The following PPP1R12A variants were observed in gnomAD, a reference collection of about 807,000 sequenced individuals.
PPP1R12A encodes myosin binding subunit.
Under a neutral mutation model 139.6 loss-of-function variants are expected in PPP1R12A, and 19 were observed. The observed-to-expected ratio is 0.14, with a 90% CI of 0.09 to 0.20. The LOEUF (loss-of-function observed/expected upper bound fraction) is 0.20. Ranked by LOEUF, PPP1R12A falls within the 10% of genes least tolerant of loss-of-function variation. The probability of loss-of-function intolerance (pLI) is 1.00; values close to 1 mark genes in which losing one functional copy is unlikely to be tolerated. For missense variants in PPP1R12A, 925 were observed against 1,211.5 expected (o/e 0.76, Z 3.51); for synonymous variants, 427 against 420.6 (o/e 1.02, Z -0.19).
chr12:79,826,598 A>C (rs1232923875), intron 5 of PPP1R12A, among the ~76,000 whole-genome samples: 1 of 152,190 alleles, frequency 6.6e-6, no homozygotes, highest in African/African-American at 2.4e-5. Context: ...AGCTGCTACT[A>C]TAGTAATTTT....
intron 1 of PPP1R12A, among the ~76,000 whole-genome samples, chr12:79,901,279 G>A (rs774944521): frequency 5.9e-5 from 9 of 152,132 alleles, no homozygotes; most frequent in Non-Finnish European, 5.9e-5. Flanking sequence ...TCCAGACCAG[G>A]TGATCCCTTT....
At chr12:79,891,814 T>C (rs1884671022) in intron 1 of PPP1R12A, among the ~76,000 whole-genome samples, 1 of 152,178 alleles carries the variant, frequency 6.6e-6, no homozygotes, top group Non-Finnish European at 1.5e-5. Flanking sequence ...GGCAGCCATG[T>C]TGAGAGACAC....
chr12:79,915,466 G>A (rs1337957328), intron 1 of PPP1R12A, among the ~76,000 whole-genome samples: 1 of 151,794 alleles, frequency 6.6e-6, no homozygotes, highest in Non-Finnish European at 1.5e-5. Flanking sequence ...TTAAATCTAG[G>A]CTTAACACTA....
At chr12:79,810,061 T>A in intron 9 of PPP1R12A, 51 bp from the exon 10 acceptor site, 1 of 1,365,542 alleles carries the variant, frequency 7.3e-7, no homozygotes, top group Non-Finnish European at 1.0e-6. Flanking sequence ...GTAAAGCTGA[T>A]CAGTCCTTAA....
intron 15 of PPP1R12A, among the ~76,000 whole-genome samples, chr12:79,797,915 T>C (rs1441426842): frequency 6.6e-6 from 1 of 152,178 alleles, no homozygotes; most frequent in Non-Finnish European, 1.5e-5. Flanking sequence ...CAGCTGAATC[T>C]GGACTGTGGA....
intron 15 of PPP1R12A, among the ~76,000 whole-genome samples, chr12:79,797,948 G>A (rs1015557407): frequency 3.3e-5 from 5 of 152,136 alleles, no homozygotes; most frequent in African/African-American, 1.2e-4. Flanking sequence ...TGGGAAAGCA[G>A]AAAGACACAA....
intron 1 of PPP1R12A, among the ~76,000 whole-genome samples, chr12:79,920,546 A>T (rs1248343647): frequency 1.3e-5 from 2 of 152,300 alleles, no homozygotes; most frequent in East Asian, 1.9e-4. Context: ...TCATGCTGAA[A>T]CCTGATCCCT....
chr12:79,798,360 C>T (rs185487867), intron 15 of PPP1R12A, 134 bp downstream of exon 15: 66 of 504,396 alleles, frequency 1.3e-4, no homozygotes, highest in Middle Eastern at 5.4e-4. Context: ...AGGATTTACT[C>T]ACACTATATA....
At chr12:79,929,782 GATT>G (rs1335282943) in intron 1 of PPP1R12A, among the ~76,000 whole-genome samples, 1 of 150,724 alleles carries the variant, frequency 6.6e-6, no homozygotes, top group African/African-American at 2.4e-5. Context: ...AAAAAAAAAA[GATT>G]TTTTTAAAAT....
At chr12:79,840,237 G>C (rs1878552184) in intron 3 of PPP1R12A, among the ~76,000 whole-genome samples, 2 of 152,194 alleles carry the variant, frequency 1.3e-5, no homozygotes, top group African/African-American at 4.8e-5. Flanking sequence ...GAACTGCTAT[G>C]AGGATGAAAT....
At position 79,890,734 on chromosome 12, in the gene PPP1R12A, TAA is replaced by T. The variant is rs574689341; in HGVS notation, c.238-17798_238-17797del. ...ATGGAGGCCTAGCTCAAAACCGTTT[TAA>T]AAGAGAGCCAAACCTTGCCTGCAAT... On this transcript the variant is annotated intron_variant, in intron 1 of 24. Transcript: ENST00000450142. Among the ~76,000 whole-genome samples, 544 of 152,144 alleles carry T rather than the reference TAA, an allele frequency of 3.6e-3. 10 individuals carry two copies. The South Asian group carries it at 0.04, about 11-fold the overall frequency.
At chr12:79,781,922 A>G (rs1870495708) in intron 22 of PPP1R12A, 60 bp from the exon 23 acceptor site, 5 of 978,494 alleles carry the variant, frequency 5.1e-6, no homozygotes, top group Admixed American at 2.5e-5. Flanking sequence ...GGGTGACCAC[A>G]GTAATTCTCT....
chr12:79,871,418 A>C (rs528026085), intron 2 of PPP1R12A, among the ~76,000 whole-genome samples: 96 of 152,334 alleles, frequency 6.3e-4, no homozygotes, highest in Non-Finnish European at 5.0e-4. Context: ...GTTGAGTTTT[A>C]ATTTTCCCAG....
At chr12:79,859,366 A>C (rs1881057696) in intron 2 of PPP1R12A, among the ~76,000 whole-genome samples, 3 of 150,608 alleles carry the variant, frequency 2.0e-5, no homozygotes, top group Admixed American at 6.6e-5. Context: ...AAAAAAAAAA[A>C]AAACAACAGT....
chr12:79,892,557 AATTC>A (rs1884753930), intron 1 of PPP1R12A, among the ~76,000 whole-genome samples: 1 of 152,210 alleles, frequency 6.6e-6, no homozygotes, highest in African/African-American at 2.4e-5. Flanking sequence ...TCTGCTGCAT[AATTC>A]ATTCATTCAA....
chr12:79,921,161 AT>A (rs539949775), intron 1 of PPP1R12A, among the ~76,000 whole-genome samples: 28 of 151,638 alleles, frequency 1.8e-4, no homozygotes, highest in African/African-American at 4.4e-4. Context: ...ACAAAAGATG[AT>A]TTTTTTTTAG....
chr12:79,881,608 A>C (rs894277483), intron 1 of PPP1R12A, among the ~76,000 whole-genome samples: 10 of 152,248 alleles, frequency 6.6e-5, no homozygotes, highest in African/African-American at 2.4e-4. Context: ...AAGGTGAAGC[A>C]GCAAGTGCTG....
At chr12:79,811,870 CAAAA>C (rs1874581032) in intron 9 of PPP1R12A, among the ~76,000 whole-genome samples, 1 of 151,982 alleles carries the variant, frequency 6.6e-6, no homozygotes, top group African/African-American at 2.4e-5. Flanking sequence ...AAAAAACAAA[CAAAA>C]AACCTGGAAA....
chr12:79,924,671 C>T (rs970988846), intron 1 of PPP1R12A, among the ~76,000 whole-genome samples: 1 of 152,196 alleles, frequency 6.6e-6, no homozygotes, highest in Non-Finnish European at 1.5e-5. Context: ...TCAAGCAATC[C>T]TCCCACCTCG....
Sources: allele counts gnomAD v4.1 joint callset (sites outside exome capture counted in the v4.1 genomes callset), GRCh38; gene constraint gnomAD v4.1.1; transcripts MANE v1.5; gene names NCBI Gene and HGNC (gene_info 2026-07-23, HGNC 2026-07-21).